Variants in TSHZ1 observed in about 807,000 individuals in gnomAD.
TSHZ1 encodes the protein teashirt homolog 1.
Under a neutral mutation model 67.1 loss-of-function variants are expected in TSHZ1, and 12 were observed. The ratio of observed to expected loss-of-function variants is 0.18; its 90% CI spans 0.11 to 0.29. The LOEUF (loss-of-function observed/expected upper bound fraction) is 0.29, where lower values mean the gene tolerates loss of function less well. TSHZ1 is among the 10% of genes least tolerant of loss of function. The pLI, the probability that TSHZ1 is intolerant of heterozygous loss-of-function variation, is 1.00. For synonymous variants in TSHZ1, 632 were observed against 622.4 expected (o/e 1.02, Z -0.23); for missense variants, 1,305 against 1,413.9 (o/e 0.92, Z 1.23).
chr18:75,221,078 AT>A (rs1818379511), intron 1 of TSHZ1: 1 of 152,142 alleles, frequency 6.6e-6, no homozygotes. Context: ...AGCCATCTAC[AT>A]ACTGAATCGG....
intron 1 of TSHZ1, among the ~76,000 whole-genome samples, chr18:75,225,921 T>C (rs2022919694): frequency 1.3e-5 from 2 of 152,096 alleles, no homozygotes; most frequent in Admixed American, 1.3e-4. Flanking sequence ...TTTGTGTATG[T>C]GGATGTCAAA....
chr18:75,215,807 C>T (rs932053919), intron 1 of TSHZ1, among the ~76,000 whole-genome samples: 6 of 152,208 alleles, frequency 3.9e-5, no homozygotes, highest in African/African-American at 1.4e-4. Context: ...CCTCCTACCA[C>T]CCTGCACACA....
At chr18:75,228,309 G>T (rs2022952056) in intron 1 of TSHZ1, among the ~76,000 whole-genome samples, 1 of 152,222 alleles carries the variant, frequency 6.6e-6, no homozygotes, top group Non-Finnish European at 1.5e-5. Context: ...GGCGTGAATG[G>T]TGCAACAGAC....
intron 1 of TSHZ1, among the ~76,000 whole-genome samples, chr18:75,244,974 C>T (rs2122556499): frequency 6.6e-6 from 1 of 152,272 alleles, no homozygotes; most frequent in South Asian, 2.1e-4. Context: ...CCATCTCTCT[C>T]TCTTGTCTGT....
At chr18:75,273,680 C>T (rs931643433) in intron 1 of TSHZ1, among the ~76,000 whole-genome samples, 2 of 152,166 alleles carry the variant, frequency 1.3e-5, no homozygotes, top group African/African-American at 2.4e-5. Context: ...CTAACAGGGA[C>T]CGTATACATT....
intron 1 of TSHZ1, among the ~76,000 whole-genome samples, chr18:75,264,328 T>G (rs1022318459): frequency 1.3e-5 from 2 of 152,194 alleles, no homozygotes; most frequent in African/African-American, 4.8e-5. Flanking sequence ...AATAGTAAAA[T>G]ACACTACAGA....
intron 1 of TSHZ1, among the ~76,000 whole-genome samples, chr18:75,213,625 T>TC (rs1393118650): frequency 7.1e-6 from 1 of 140,474 alleles, no homozygotes; most frequent in African/African-American, 2.5e-5. Flanking sequence ...AATACCACAT[T>TC]TTTTTTTTTT....
chr18:75,244,146 C>T (rs1297215811), intron 1 of TSHZ1, among the ~76,000 whole-genome samples: 4 of 152,072 alleles, frequency 2.6e-5, no homozygotes, highest in East Asian at 1.9e-4. Context: ...GCTGCACTGT[C>T]GGGGGAATAG....
At position 75,286,653 on chromosome 18, in the gene TSHZ1, C is replaced by G; in HGVS notation, c.1246C>G (p.Leu416Val). The change falls in exon 2 of 2, where the codon CTC (leucine) becomes GTC (valine). Residue 416 changes from leucine to valine, a missense_variant. Around this residue, in one of 3 missense-constraint regions of TSHZ1, gnomAD observed 909 missense variants for 961.8 expected, o/e 0.95. Coordinates refer to ENST00000580243, the MANE Select transcript of TSHZ1 (RefSeq NM_001308210.2). The surrounding 1 kb of genome is among the most constrained non-coding windows in gnomAD (Gnocchi z 5.1). Reference sequence around the variant, plus strand: ...GTTTGAGGCCCGCAAGGCGCAGATCCTCAAGTGCATGGAGTGTGGCAGCTC... The same window carrying G: ...GTTTGAGGCCCGCAAGGCGCAGATCGTCAAGTGCATGGAGTGTGGCAGCTC... ...WQFEARKAQI[L>V]KCMECGSSHD... 3 of 1,614,226 alleles carry G rather than the reference C, an allele frequency of 1.9e-6. No individual in the cohort carries two copies. Among genetic ancestry groups the G allele is most frequent in the Non-Finnish European group, 2.5e-6 (3 of 1,180,042 alleles).
At chr18:75,269,455 G>A (rs570190277) in intron 1 of TSHZ1, among the ~76,000 whole-genome samples, 94 of 152,172 alleles carry the variant, frequency 6.2e-4, no homozygotes, top group South Asian at 4.4e-3. Context: ...CAGGGTGTGG[G>A]GGAATCATGA....
At chr18:75,263,208 A>G (rs1338274026) in intron 1 of TSHZ1, among the ~76,000 whole-genome samples, 2 of 152,182 alleles carry the variant, frequency 1.3e-5, no homozygotes, top group African/African-American at 4.8e-5. Context: ...ATCATCTGGA[A>G]TGTAATCTAG....
At chr18:75,247,810 C>G (rs961480940) in intron 1 of TSHZ1, among the ~76,000 whole-genome samples, 3 of 151,670 alleles carry the variant, frequency 2.0e-5, no homozygotes, top group Admixed American at 6.6e-5. Flanking sequence ...ATATCAGTGA[C>G]CTTATCATTA....
chr18:75,252,785 A>G (rs911512307), intron 1 of TSHZ1, among the ~76,000 whole-genome samples: 3 of 152,168 alleles, frequency 2.0e-5, no homozygotes. Flanking sequence ...TTTGATTTCA[A>G]TGAACAATCT....
intron 1 of TSHZ1, among the ~76,000 whole-genome samples, chr18:75,217,573 A>G (rs567306613): frequency 7.9e-4 from 120 of 152,316 alleles, no homozygotes; most frequent in Admixed American, 7.8e-3. Context: ...TTAAGAAAAC[A>G]ATGAACCAGG....
intron 1 of TSHZ1, among the ~76,000 whole-genome samples, chr18:75,233,969 A>T (rs80222185): frequency 0.011 from 1,606 of 152,284 alleles, 25 homozygotes; most frequent in African/African-American, 0.037. Context: ...TTGCACACAT[A>T]CTGATGTCCC....
At position 75,286,756 on chromosome 18, in the gene TSHZ1, A is replaced by G. The variant is rs145021024; in HGVS notation, c.1349A>G (p.Lys450Arg). Reference protein sequence around the residue: ...HFLKVTTSASKKGKQLVLDPV... With the variant: ...HFLKVTTSASRKGKQLVLDPV... ...CTGAAAGTGACCACCTCGGCTTCTAAGAAGGGCAAGCAGTTGGTGCTGGAC... is the reference window on the plus strand; with the variant it reads ...CTGAAAGTGACCACCTCGGCTTCTAGGAAGGGCAAGCAGTTGGTGCTGGAC... Residue 450 changes from lysine to arginine, a missense_variant, in exon 2 of 2, where the codon AAG becomes AGG. This residue lies in a region of TSHZ1 where 909 missense variants were observed against 961.8 expected (regional missense o/e 0.95). Coordinates refer to ENST00000580243, the MANE Select transcript of TSHZ1 (RefSeq NM_001308210.2). The surrounding 1 kb of genome is among the most constrained non-coding windows in gnomAD (Gnocchi z 5.1). The G allele has an allele frequency of 1.2e-6, 2 of 1,613,518 alleles. No homozygotes were observed. The highest frequency in any genetic ancestry group is 1.7e-6 in the Non-Finnish European group (2 of 1,180,032).
rs2023826208 is a variant in TSHZ1, at chr18:75,289,047, A to G, written c.*406A>G. On this transcript the variant is annotated 3_prime_UTR_variant, in exon 2 of 2. Transcript: ENST00000580243. ...CAAATTTAACCCTTTGAGGACTGTAATTGCATTTCTGTGCCTTTCACTTGA... is the reference window on the plus strand; with the variant it reads ...CAAATTTAACCCTTTGAGGACTGTAGTTGCATTTCTGTGCCTTTCACTTGA... The G allele has an allele frequency of 5.9e-6, 1 of 170,652 alleles. No homozygotes were observed. Among genetic ancestry groups the G allele is most frequent in the Admixed American group, 6.5e-5 (1 of 15,354 alleles). 10.6% of individuals were successfully genotyped at this position (170,652 alleles called of 1,614,324 possible).
intron 1 of TSHZ1, among the ~76,000 whole-genome samples, chr18:75,272,636 G>A (rs1192060314): frequency 6.6e-6 from 1 of 152,112 alleles, no homozygotes; most frequent in African/African-American, 2.4e-5. Context: ...AATTTAAGTT[G>A]GAACTCAATT....
chr18:75,223,425 G>C (rs2022875348), intron 1 of TSHZ1, among the ~76,000 whole-genome samples: 1 of 152,070 alleles, frequency 6.6e-6, no homozygotes, highest in Admixed American at 6.5e-5. Context: ...CCTCCTCATT[G>C]ATTTGCACCT....
Sources: allele counts gnomAD v4.1 joint callset (sites outside exome capture counted in the v4.1 genomes callset), GRCh38; gene constraint gnomAD v4.1.1; regional missense constraint gnomAD v4.1.1; non-coding constraint Gnocchi (gnomAD v3.1); transcripts MANE v1.5; gene names NCBI Gene and HGNC (gene_info 2026-07-23, HGNC 2026-07-21).